Variants in POM121C observed in about 807,000 individuals in gnomAD.
The protein encoded by POM121C is nuclear envelope pore membrane protein POM 121C.
A neutral mutation model predicts 66.4 loss-of-function variants in POM121C; 20 were observed. That is an observed-to-expected ratio of 0.30 (90% CI 0.21 to 0.44). The LOEUF (loss-of-function observed/expected upper bound fraction) is 0.44. POM121C is among the 20% of genes least tolerant of loss of function. The probability of loss-of-function intolerance (pLI) is 1.00; values close to 1 mark genes in which losing one functional copy is unlikely to be tolerated. For synonymous variants in POM121C, 286 were observed against 528.0 expected (o/e 0.54, Z 6.28); for missense variants, 580 against 1,225.7 (o/e 0.47, Z 7.87).
intron 7 of POM121C, among the ~76,000 whole-genome samples, chr7:75,437,150 T>C (rs1211849972): frequency 6.6e-6 from 1 of 152,220 alleles, no homozygotes; most frequent in African/African-American, 2.4e-5. Context: ...TCGAATCAGC[T>C]CGCACACATG....
intron 2 of POM121C, 88 bp from the exon 3 acceptor site, chr7:75,474,970 C>A (rs1760344670): frequency 7.1e-7 from 1 of 1,405,848 alleles, no homozygotes; most frequent in African/African-American, 1.4e-5. Flanking sequence ...CTAGTGCCCA[C>A]AAGGAATTAA....
chr7:75,483,137 G>A (rs1249738396), intron 1 of POM121C, among the ~76,000 whole-genome samples: 3 of 151,958 alleles, frequency 2.0e-5, no homozygotes, highest in Admixed American at 6.6e-5. Flanking sequence ...CGATATTTCC[G>A]TCCCTGGAAA....
At chr7:75,449,272 G>A (rs2116442127) in intron 3 of POM121C, among the ~76,000 whole-genome samples, 1 of 150,984 alleles carries the variant, frequency 6.6e-6, no homozygotes, top group African/African-American at 2.4e-5. Flanking sequence ...GAAAAGTGGT[G>A]AGCATTGCTC....
At chr7:75,428,235 GT>G (rs1215523186) in intron 7 of POM121C, among the ~76,000 whole-genome samples, 3 of 152,068 alleles carry the variant, frequency 2.0e-5, no homozygotes, top group Non-Finnish European at 2.9e-5. Context: ...CGCCTCCCTG[GT>G]TCAAGCGATT....
At chr7:75,436,320 G>C (rs1790406766) in intron 7 of POM121C, among the ~76,000 whole-genome samples, 1 of 152,090 alleles carries the variant, frequency 6.6e-6, no homozygotes, top group African/African-American at 2.4e-5. Context: ...CTTCAGTATA[G>C]GCTAAAAATG....
chr7:75,471,814 T>C (rs1417067185), intron 3 of POM121C, among the ~76,000 whole-genome samples: 20 of 152,112 alleles, frequency 1.3e-4, no homozygotes, highest in Admixed American at 7.9e-4. Context: ...AACGCTAAAG[T>C]TTATTGCTCA....
At position 75,418,418 on chromosome 7, in the gene POM121C, GC is replaced by G. The variant is rs1254285754; in HGVS notation, c.*377del. The G allele has an allele frequency of 2.5e-5, 26 of 1,023,578 alleles. No individual in the cohort carries two copies. In the African/African-American group the frequency reaches 3.9e-4, roughly 16 times the overall value. The allele number at this position is 1,023,578 out of a possible 1,614,324, so 63.4% of individuals were successfully genotyped here. ...CATCAGGTGCACACCACCGATCCAGGCGGGCTGGACCCTGCCCCCTCCAGCG... is the reference window on the plus strand; with the variant it reads ...CATCAGGTGCACACCACCGATCCAGGGGGCTGGACCCTGCCCCCTCCAGCG... On this transcript the variant is annotated 3_prime_UTR_variant, in exon 15 of 15. Coordinates refer to ENST00000615331, the MANE Select transcript of POM121C (RefSeq NM_001099415.3).
At chr7:75,469,552 G>A (rs1386372386) in intron 3 of POM121C, among the ~76,000 whole-genome samples, 1 of 152,282 alleles carries the variant, frequency 6.6e-6, no homozygotes, top group East Asian at 1.9e-4. Flanking sequence ...TCAACAGAGA[G>A]GCCAGAGAGA....
At chr7:75,478,640 A>G (rs1418252323) in intron 1 of POM121C, among the ~76,000 whole-genome samples, 1 of 151,712 alleles carries the variant, frequency 6.6e-6, no homozygotes, top group Admixed American at 6.6e-5. Flanking sequence ...GATGAAAATT[A>G]TACTGGAAAA....
chr7:75,468,854 T>A (rs1554478235), intron 3 of POM121C, among the ~76,000 whole-genome samples: 1 of 152,196 alleles, frequency 6.6e-6, no homozygotes, highest in Admixed American at 6.6e-5. Context: ...AGACCCCATC[T>A]GTCTATTTAT....
rs140686019 is a variant in POM121C at position 75,430,629 on chromosome 7, G to C, written c.481-4176C>G. On this transcript the variant is annotated intron_variant, in intron 7 of 14. Coordinates refer to ENST00000615331, the MANE Select transcript of POM121C (RefSeq NM_001099415.3). The stretch of plus-strand genomic sequence containing the variant: ...CATGACCTTAGGTTGGACAGGCAAA[G>C]ATTTCCTAAATACTACACAAACTAT... 2.8e-4 allele frequency among the ~76,000 whole-genome samples: 43 copies of C among 152,282 alleles called. No individual in the cohort carries two copies. The East Asian group carries it at 8.3e-3, about 29-fold the overall frequency.
chr7:75,442,596 C>A, intron 3 of POM121C: 1 of 1,491,834 alleles, frequency 6.7e-7, no homozygotes, highest in Non-Finnish European at 8.9e-7. Context: ...AGGAGGCCGA[C>A]CAGCGACAGG....
At chr7:75,457,911 A>C (rs1554476518) in intron 3 of POM121C, among the ~76,000 whole-genome samples, 5 of 152,372 alleles carry the variant, frequency 3.3e-5, no homozygotes, top group Non-Finnish European at 5.9e-5. Context: ...CAGGAGTGAA[A>C]GTTTATTAAA....
chr7:75,417,337 A>G lies in POM121C; in HGVS notation c.*1459T>C. The G allele has an allele frequency of 4.6e-6, 4 of 872,662 alleles. No homozygotes were observed. The highest frequency in any genetic ancestry group is 5.5e-6 in the Non-Finnish European group (4 of 726,844). The allele number at this position is 872,662 out of a possible 1,614,324, so 54.1% of individuals were successfully genotyped here. ...ACAGGCATAACTTAACTATACAGCT[A>G]ATTCCTAGTTAATAGCATTTATACT... On this transcript the variant is annotated 3_prime_UTR_variant, in exon 15 of 15. Coordinates refer to ENST00000615331, the MANE Select transcript of POM121C (RefSeq NM_001099415.3).
At chr7:75,439,769 G>A (rs1168403654) in intron 5 of POM121C, among the ~76,000 whole-genome samples, 5 of 152,160 alleles carry the variant, frequency 3.3e-5, no homozygotes, top group Non-Finnish European at 7.4e-5. Context: ...ACTTGCAGTA[G>A]GGTCTCATAC....
rs376702459 is a variant in POM121C, at chr7:75,419,352, G to C, written c.2834C>G (p.Pro945Arg). The C allele has an allele frequency of 6.2e-7, 1 of 1,613,728 alleles. No homozygotes were observed. The highest frequency in any genetic ancestry group is 1.1e-5 in the South Asian group (1 of 91,038). The stretch of plus-strand genomic sequence containing the variant: ...TCCAACACCAACAAAGCCTTGGGCG[G>C]GTGCTGAAGATGCCCCAAAGGAGAG... ...SSLSFGASSA[P>R]AQGFVGVGPF... Residue 945 changes from proline to arginine, a missense_variant, in exon 14 of 15, where the codon CCC becomes CGC. Pro to Arg is a moderately radical substitution (Grantham distance 103). Transcript: ENST00000615331.
intron 7 of POM121C, among the ~76,000 whole-genome samples, chr7:75,432,817 T>C (rs1487712369): frequency 1.3e-5 from 2 of 152,150 alleles, no homozygotes; most frequent in Admixed American, 6.5e-5. Flanking sequence ...ACAGTAAAAA[T>C]GTTAACAATG....
At chr7:75,433,751 C>T (rs1318834444) in intron 7 of POM121C, among the ~76,000 whole-genome samples, 7 of 152,154 alleles carry the variant, frequency 4.6e-5, no homozygotes, top group Non-Finnish European at 1.0e-4. Context: ...CTCATGAGTA[C>T]GTCTTCAGTT....
At chr7:75,479,790 A>G (rs1331020161) in intron 1 of POM121C, among the ~76,000 whole-genome samples, 1 of 152,146 alleles carries the variant, frequency 6.6e-6, no homozygotes, top group East Asian at 1.9e-4. Flanking sequence ...TCTAGGAAAA[A>G]TGGATATTAC....
Sources: gnomAD v4.1 joint callset for allele counts (sites outside exome capture counted in the v4.1 genomes callset) on GRCh38, gnomAD v4.1.1 for gene constraint, MANE v1.5 for transcripts, NCBI Gene and HGNC (gene_info 2026-07-23, HGNC 2026-07-21) for gene names.